The following LYPD6B variants were observed in gnomAD, a reference collection of about 807,000 sequenced individuals.
LYPD6B encodes LY6/PLAUR domain containing 6B.
Under a neutral mutation model 22.8 loss-of-function variants are expected in LYPD6B, and 17 were observed. That is an observed-to-expected ratio of 0.75 (90% CI 0.51 to 1.12). The LOEUF (loss-of-function observed/expected upper bound fraction) is 1.12, where lower values mean the gene tolerates loss of function less well. Ranked by LOEUF, LYPD6B falls within the 50% of genes most tolerant of loss-of-function variation. The probability of loss-of-function intolerance (pLI) is 0.00; values close to 1 mark genes in which losing one functional copy is unlikely to be tolerated. For missense variants in LYPD6B, 221 were observed against 258.3 expected, an observed-to-expected ratio of 0.86 and a Z score of 0.99; for synonymous variants, 106 against 91.6, an observed-to-expected ratio of 1.16 and a Z score of -0.90.
At chr2:149,088,608 A>C (rs1436286014) in intron 1 of LYPD6B, among the ~76,000 whole-genome samples, 1 of 152,190 alleles carries the variant, frequency 6.6e-6, no homozygotes, top group Non-Finnish European at 1.5e-5. Context: ...GTGTAGGTAC[A>C]CAATAATTTC....
chr2:149,149,758 C>T (rs533589179), intron 2 of LYPD6B, among the ~76,000 whole-genome samples: 1 of 152,246 alleles, frequency 6.6e-6, no homozygotes, highest in South Asian at 2.1e-4. Context: ...TCCTTCATAT[C>T]GTCTATCCTC....
intron 1 of LYPD6B, among the ~76,000 whole-genome samples, chr2:149,041,258 A>G (rs945842660): frequency 6.6e-6 from 1 of 152,172 alleles, no homozygotes; most frequent in South Asian, 2.1e-4. Flanking sequence ...CGAAGTGGCC[A>G]CAGCTCTTTG....
chr2:149,135,828 A>G (rs751290887), intron 2 of LYPD6B, among the ~76,000 whole-genome samples: 1 of 151,800 alleles, frequency 6.6e-6, no homozygotes, highest in Non-Finnish European at 1.5e-5. Context: ...AGTCAATGAG[A>G]GATACTTTAT....
At chr2:149,179,891 C>T (rs370593979) in intron 3 of LYPD6B, among the ~76,000 whole-genome samples, 1 of 152,176 alleles carries the variant, frequency 6.6e-6, no homozygotes, top group African/African-American at 2.4e-5. Flanking sequence ...GGTAGGAAAT[C>T]GTTCAACCTA....
At chr2:149,091,299 G>A (rs114366190) in intron 1 of LYPD6B, among the ~76,000 whole-genome samples, 8,356 of 150,958 alleles carry the variant, frequency 0.055, 556 homozygotes, top group African/African-American at 0.17. Flanking sequence ...ATAAATTTAT[G>A]TGTAAAGATT....
At chr2:149,067,022 C>A (rs1398691566) in intron 1 of LYPD6B, among the ~76,000 whole-genome samples, 1 of 152,084 alleles carries the variant, frequency 6.6e-6, no homozygotes, top group Non-Finnish European at 1.5e-5. Flanking sequence ...CCATGAGTAC[C>A]CAATGTTTAG....
intron 3 of LYPD6B, among the ~76,000 whole-genome samples, chr2:149,176,406 G>A (rs1305360077): frequency 6.6e-6 from 1 of 152,186 alleles, no homozygotes; most frequent in Admixed American, 6.5e-5. Flanking sequence ...CAACCACCTG[G>A]TGAGCTCAGG....
At chr2:149,147,248 T>C (rs1689082756) in intron 2 of LYPD6B, among the ~76,000 whole-genome samples, 1 of 152,152 alleles carries the variant, frequency 6.6e-6, no homozygotes, top group Admixed American at 6.5e-5. Flanking sequence ...CAGAAATCCA[T>C]GGTGAAGCAA....
chr2:149,062,860 C>CTTTTTTTT (rs5835285), intron 1 of LYPD6B, among the ~76,000 whole-genome samples: 1 of 93,550 alleles, frequency 1.1e-5, no homozygotes, highest in Non-Finnish European at 2.1e-5. Context: ...GATACATGTT[C>CTTTTTTTT]TTTTTTTTTT....
At chr2:149,131,678 TCTCTC>T (rs1688039384) in intron 2 of LYPD6B, 1 of 152,174 alleles carries the variant, frequency 6.6e-6, no homozygotes, top group African/African-American at 2.4e-5. Context: ...CAGCACCACT[TCTCTC>T]CTCCCTAAGT....
At chr2:149,059,056 G>C (rs911240698) in intron 1 of LYPD6B, among the ~76,000 whole-genome samples, 9 of 152,224 alleles carry the variant, frequency 5.9e-5, no homozygotes, top group South Asian at 2.1e-4. Flanking sequence ...CTCTCTGTAG[G>C]TATTGCCAGG....
chr2:149,201,323 G>A (rs1479901037), intron 3 of LYPD6B, among the ~76,000 whole-genome samples: 1 of 152,072 alleles, frequency 6.6e-6, no homozygotes, highest in Non-Finnish European at 1.5e-5. Context: ...TGATGGCTTA[G>A]GACAAAATAA....
At chr2:149,153,503 G>A (rs376968898) in intron 2 of LYPD6B, among the ~76,000 whole-genome samples, 7 of 152,260 alleles carry the variant, frequency 4.6e-5, no homozygotes, top group Admixed American at 1.3e-4. Flanking sequence ...TTGGCTGGGC[G>A]CGGTGGCTCA....
chr2:149,207,837 C>A (rs1285187092), intron 4 of LYPD6B, among the ~76,000 whole-genome samples: 1 of 152,092 alleles, frequency 6.6e-6, no homozygotes, highest in African/African-American at 2.4e-5. Flanking sequence ...CTCTGCAAGT[C>A]ATGGGGATCT....
chr2:149,039,898 G>C (rs886395841), intron 1 of LYPD6B, among the ~76,000 whole-genome samples: 5 of 152,140 alleles, frequency 3.3e-5, no homozygotes, highest in African/African-American at 1.2e-4. Context: ...GTTTTCTTTG[G>C]GTTGGGTTTT....
At chr2:149,130,634 C>A (rs1687969178) in intron 1 of LYPD6B, among the ~76,000 whole-genome samples, 1 of 152,142 alleles carries the variant, frequency 6.6e-6, no homozygotes, top group African/African-American at 2.4e-5. Context: ...CTTCCTAATT[C>A]TTGCAGACAC....
intron 3 of LYPD6B, among the ~76,000 whole-genome samples, chr2:149,177,935 T>C (rs536219148): frequency 2.0e-5 from 3 of 151,238 alleles, no homozygotes; most frequent in Non-Finnish European, 4.4e-5. Flanking sequence ...TAAAACACAC[T>C]TTGTACTTAA....
chr2:149,140,297 G>C (rs1162890593), intron 2 of LYPD6B, among the ~76,000 whole-genome samples: 7 of 152,172 alleles, frequency 4.6e-5, no homozygotes, highest in Admixed American at 4.6e-4. Flanking sequence ...TTGTGGTTCA[G>C]CGCTTTGCAT....
At chr2:149,167,175 G>T (rs1484874271) in intron 3 of LYPD6B, among the ~76,000 whole-genome samples, 9 of 151,976 alleles carry the variant, frequency 5.9e-5, no homozygotes, top group Admixed American at 5.9e-4. Context: ...GTCGAGATTG[G>T]GCTGGTTCTC....
Sources: gnomAD v4.1 joint callset for allele counts (sites outside exome capture counted in the v4.1 genomes callset) on GRCh38, gnomAD v4.1.1 for gene constraint, MANE v1.5 for transcripts, NCBI Gene and HGNC (gene_info 2026-07-23, HGNC 2026-07-21) for gene names.